Variants in FMO3 observed in about 807,000 individuals in gnomAD.
FMO3 encodes the protein flavin containing dimethylaniline monoxygenase 3.
A neutral mutation model predicts 39.4 loss-of-function variants in FMO3; 40 were observed. The observed-to-expected ratio is 1.02, with a 90% CI of 0.79 to 1.32. FMO3 has a LOEUF of 1.32. Among genes scored for constraint, FMO3 ranks in the 40% most tolerant of loss-of-function variants. The probability of loss-of-function intolerance (pLI) is 0.00; values close to 1 mark genes in which losing one functional copy is unlikely to be tolerated. For synonymous variants in FMO3, 219 were observed against 228.8 expected, an observed-to-expected ratio of 0.96 and a Z score of 0.39; for missense variants, 680 against 651.8, an observed-to-expected ratio of 1.04 and a Z score of -0.47.
At chr1:171,102,549 TGA>T (rs1484065581) in intron 2 of FMO3, among the ~76,000 whole-genome samples, 4 of 152,332 alleles carry the variant, frequency 2.6e-5, no homozygotes, top group African/African-American at 9.6e-5. Context: ...CTGTTGGTCA[TGA>T]GCTTCCATTT....
At chr1:171,101,116 C>T (rs1156287691) in intron 2 of FMO3, 2 of 455,928 alleles carry the variant, frequency 4.4e-6, no homozygotes, top group Admixed American at 4.7e-5. Flanking sequence ...AGGGGTCTTG[C>T]CACTGAAAAA....
chr1:171,114,398 G>A lies in FMO3; in HGVS notation c.1183+36G>A, dbSNP rs771164149. 5 of 1,386,754 alleles carry A rather than the reference G, an allele frequency of 3.6e-6. No homozygotes were observed. In the Admixed American group the frequency reaches 7.0e-5, roughly 19 times the overall value. 85.9% of individuals were successfully genotyped at this position (1,386,754 alleles called of 1,614,324 possible). A position where few individuals can be genotyped will look rare whatever the true frequency, so the allele number is the denominator to read the frequency against. On this transcript the variant is annotated intron_variant, in intron 7 of 8. Coordinates refer to ENST00000367755, the MANE Select transcript of FMO3 (RefSeq NM_001002294.3). ...AAAGAGGCTCATGGATTGCGAAGAT[G>A]AATGCCAGTGACAATAACTTTGGAT... is the stretch of plus-strand genomic sequence containing the variant.
chr1:171,093,707 G>A lies in FMO3; in HGVS notation c.132+917G>A, dbSNP rs181652607. Among the ~76,000 whole-genome samples, 18 of 151,784 alleles carry A rather than the reference G, an allele frequency of 1.2e-4. 1 individual carries two copies. Among genetic ancestry groups the A allele is most frequent in the African/African-American group, 4.1e-4 (17 of 41,370 alleles). ...TTTTCCTTTGGATAGATATCTACTAGGGGCATTGTTGGGTCAAATGGTAGT... is the reference window on the plus strand; with the variant it reads ...TTTTCCTTTGGATAGATATCTACTAAGGGCATTGTTGGGTCAAATGGTAGT... On this transcript the variant is annotated intron_variant, in intron 2 of 8. Transcript: ENST00000367755.
Position 171,096,083 on chromosome 1 carries a change from A to ATG in FMO3, c.132+3294_132+3295insGT, listed in dbSNP as rs1441181470. 1.0e-4 allele frequency among the ~76,000 whole-genome samples: 8 copies of ATG among 79,946 alleles called. No individual in the cohort carries two copies. The East Asian group carries it at 1.1e-3, about 11-fold the overall frequency. The allele number at this position is 79,946 out of a possible 152,430, so 52.4% of individuals were successfully genotyped here. ...TATATATTATATATTAATATATAAT[A>ATG]TATATTAATATTTTTATATAATTAA... On this transcript the variant is annotated intron_variant, in intron 2 of 8. Transcript: ENST00000367755.
chr1:171,096,468 A>G (rs1166447921), intron 2 of FMO3, among the ~76,000 whole-genome samples: 1 of 102,358 alleles, frequency 9.8e-6, no homozygotes, highest in Non-Finnish European at 1.7e-5. Flanking sequence ...TATTAAATAC[A>G]TAATATATTT....
chr1:171,107,499 G>C (rs1184018208), intron 3 of FMO3, among the ~76,000 whole-genome samples, 176 bp from the exon 4 acceptor site: 2 of 152,156 alleles, frequency 1.3e-5, no homozygotes, highest in East Asian at 3.8e-4. Flanking sequence ...ATCATGCAGG[G>C]ACAAATAGAC....
intron 2 of FMO3, among the ~76,000 whole-genome samples, chr1:171,094,149 G>A (rs969269600): frequency 4.2e-4 from 64 of 151,890 alleles, no homozygotes; most frequent in African/African-American, 1.3e-3. Context: ...TTTAATAATA[G>A]CCATTCTGAC....
chr1:171,093,503 A>G (rs1295593100), intron 2 of FMO3, among the ~76,000 whole-genome samples: 2 of 139,412 alleles, frequency 1.4e-5, no homozygotes, highest in Non-Finnish European at 2.9e-5. Context: ...GTGTGCATAT[A>G]TACATACATA....
Position 171,114,299 on chromosome 1 carries a change from T to C in FMO3, c.1120T>C (p.Ser374Pro). The C allele has an allele frequency of 6.2e-7, 1 of 1,613,926 alleles. No homozygotes were observed. Among genetic ancestry groups the C allele is most frequent in the Non-Finnish European group, 8.5e-7 (1 of 1,179,936 alleles). ...STIAVIGFVQ[S>P]LGAAIPTVDL... Reference sequence around the variant, plus strand: ...CATAGCAGTGATTGGCTTTGTCCAGTCCCTTGGGGCTGCCATTCCCACAGT... The same window carrying C: ...CATAGCAGTGATTGGCTTTGTCCAGCCCCTTGGGGCTGCCATTCCCACAGT... Residue 374 changes from serine to proline, a missense_variant, in exon 7 of 9, where the codon TCC (serine) becomes CCC (proline). Physicochemically the swap from Ser to Pro is moderately conservative, Grantham distance 74. Transcript: ENST00000367755.
chr1:171,116,236 C>G lies in FMO3; in HGVS notation c.1212C>G (p.Asp404Glu). 1 of 1,605,620 alleles carries G rather than the reference C, an allele frequency of 6.2e-7. No homozygotes were observed. Among genetic ancestry groups the G allele is most frequent in the Non-Finnish European group, 8.5e-7 (1 of 1,172,674 alleles). Residue 404 changes from aspartate (D) to glutamate (E), a missense_variant, in exon 8 of 9, where the codon GAC becomes GAG. By Grantham distance (45) the Asp-to-Glu change is conservative. Coordinates refer to ENST00000367755, the MANE Select transcript of FMO3 (RefSeq NM_001002294.3). ...CTTGTACTTTGCCTTCTATGGAAGACATGATGAATGATATTAATGAGAAAA... is the reference window on the plus strand; with the variant it reads ...CTTGTACTTTGCCTTCTATGGAAGAGATGATGAATGATATTAATGAGAAAA... ...KGTCTLPSME[D>E]MMNDINEKME...
chr1:171,097,745 T>G (rs1439970232), intron 2 of FMO3, among the ~76,000 whole-genome samples: 8 of 151,440 alleles, frequency 5.3e-5, no homozygotes, highest in Non-Finnish European at 1.2e-4. Context: ...ATGGGTTGCC[T>G]GTTCACTCTG....
chr1:171,113,915 T>C (rs1330529755), intron 6 of FMO3, 92 bp from the exon 7 acceptor site: 2 of 924,038 alleles, frequency 2.2e-6, no homozygotes, highest in Non-Finnish European at 1.6e-6. Context: ...AAATCTTGGG[T>C]CATTTTTTCC....
At chr1:171,096,327 T>C (rs1655048703) in intron 2 of FMO3, among the ~76,000 whole-genome samples, 2 of 96,322 alleles carry the variant, frequency 2.1e-5, no homozygotes, top group South Asian at 6.9e-4. Flanking sequence ...ATATATAATA[T>C]ATAAAATATA....
At chr1:171,092,895 T>C (rs529438759) in intron 2 of FMO3, 105 bp downstream of exon 2, 2 of 1,229,072 alleles carry the variant, frequency 1.6e-6, no homozygotes, top group South Asian at 1.3e-5. Flanking sequence ...GCAGTTATCA[T>C]ATCTGTTAGA....
At chr1:171,103,719 C>T in intron 2 of FMO3, 66 bp from the exon 3 acceptor site, 2 of 1,354,334 alleles carry the variant, frequency 1.5e-6, no homozygotes, top group Non-Finnish European at 1.1e-6. Flanking sequence ...TACTTGGAAC[C>T]AGCCCTGACC....
chr1:171,108,331 A>C, intron 5 of FMO3, 110 bp downstream of exon 5: 1 of 1,317,272 alleles, frequency 7.6e-7, no homozygotes. Flanking sequence ...TCTGATGTAA[A>C]GACTAAGTGG....
Position 171,114,141 on chromosome 1 carries a change from G to A in FMO3, c.962G>A (p.Gly321Asp). Residue 321 changes from glycine (G) to aspartate (D), a missense_variant, in exon 7 of 9, where the codon GGC becomes GAC. Transcript: ENST00000367755. ...AIFEDGTIFE[G>D]IDCVIFATGY... is the part of the protein sequence containing the mutation. ...TTTGAGGATGGGACCATATTTGAGG[G>A]CATTGACTGTGTAATCTTTGCAACA... The A allele has an allele frequency of 6.2e-7, 1 of 1,613,968 alleles. No homozygotes were observed.
At chr1:171,094,213 C>T (rs532117357) in intron 2 of FMO3, among the ~76,000 whole-genome samples, 7 of 152,072 alleles carry the variant, frequency 4.6e-5, no homozygotes, top group African/African-American at 1.7e-4. Flanking sequence ...TCTGGTAATT[C>T]GTGATGTTAA....
chr1:171,110,590 A>C (rs1208480990), intron 5 of FMO3, among the ~76,000 whole-genome samples: 1 of 152,134 alleles, frequency 6.6e-6, no homozygotes, highest in African/African-American at 2.4e-5. Flanking sequence ...AGATGGAGGA[A>C]ACTCAGAAAG....
Sources: allele counts gnomAD v4.1 joint callset (sites outside exome capture counted in the v4.1 genomes callset), GRCh38; gene constraint gnomAD v4.1.1; transcripts MANE v1.5; gene names NCBI Gene and HGNC (gene_info 2026-07-23, HGNC 2026-07-21).